The following RAPH1 variants were observed in gnomAD, a reference collection of about 807,000 sequenced individuals.
RAPH1 encodes ras-associated and pleckstrin homology domains-containing protein 1.
Under a neutral mutation model 88.1 loss-of-function variants are expected in RAPH1, and 18 were observed. The observed-to-expected ratio is 0.20, with a 90% CI of 0.14 to 0.30. RAPH1 has a LOEUF of 0.30. RAPH1 is among the 10% of genes least tolerant of loss of function. RAPH1 has a pLI of 1.00. For synonymous variants in RAPH1, 587 were observed against 559.0 expected (o/e 1.05, Z -0.71); for missense variants, 1,448 against 1,543.2 (o/e 0.94, Z 1.03).
At chr2:203,525,186 C>G (rs115275961) in intron 1 of RAPH1, among the ~76,000 whole-genome samples, 2,532 of 152,208 alleles carry the variant, frequency 0.017, 74 homozygotes, top group African/African-American at 0.057. Flanking sequence ...ATATTAACAT[C>G]TTCTTTTTTG....
intron 1 of RAPH1, among the ~76,000 whole-genome samples, chr2:203,528,510 G>C (rs917469748): frequency 6.6e-6 from 1 of 152,120 alleles, no homozygotes; most frequent in African/African-American, 2.4e-5. Flanking sequence ...CTAATAGAAA[G>C]TACAGCCGAA....
At chr2:203,504,866 T>C (rs770292527) in intron 1 of RAPH1, among the ~76,000 whole-genome samples, 1 of 152,196 alleles carries the variant, frequency 6.6e-6, no homozygotes, top group Non-Finnish European at 1.5e-5. Context: ...TACAAATCTC[T>C]AGCGCAGGGG....
At chr2:203,495,592 A>C (rs1688476574) in intron 1 of RAPH1, among the ~76,000 whole-genome samples, 2 of 152,200 alleles carry the variant, frequency 1.3e-5, no homozygotes, top group South Asian at 4.1e-4. Flanking sequence ...AACAGTATCA[A>C]ATTATGACCA....
intron 4 of RAPH1, among the ~76,000 whole-genome samples, chr2:203,464,986 C>T (rs927321815): frequency 6.6e-6 from 1 of 152,180 alleles, no homozygotes; most frequent in African/African-American, 2.4e-5. Context: ...ACACTAACAC[C>T]ACCAAATGCT....
Position 203,439,248 on chromosome 2 carries a change from T to G in RAPH1, c.*189A>C. ...CTATATACACATACACATACATATA[T>G]GTATACATATATACACACACTGTAC... On this transcript the variant is annotated 3_prime_UTR_variant, in exon 14 of 14. Transcript: ENST00000319170. The G allele has an allele frequency of 3.5e-6, 2 of 577,810 alleles. No individual in the cohort carries two copies. Among genetic ancestry groups the G allele is most frequent in the Non-Finnish European group, 6.2e-6 (2 of 324,492 alleles). 35.8% of individuals were successfully genotyped at this position (577,810 alleles called of 1,614,324 possible).
At chr2:203,518,239 G>C (rs1033309398) in intron 1 of RAPH1, among the ~76,000 whole-genome samples, 1 of 152,038 alleles carries the variant, frequency 6.6e-6, no homozygotes, top group Non-Finnish European at 1.5e-5. Flanking sequence ...TATAAGGCTG[G>C]GCACAGTGGT....
chr2:203,525,106 T>C (rs1690054691), intron 1 of RAPH1, among the ~76,000 whole-genome samples: 1 of 152,252 alleles, frequency 6.6e-6, no homozygotes, highest in Admixed American at 6.5e-5. Flanking sequence ...ATAACCATTT[T>C]CTTCAGAATA....
At chr2:203,517,201 C>G (rs1362791664) in intron 1 of RAPH1, among the ~76,000 whole-genome samples, 2 of 150,992 alleles carry the variant, frequency 1.3e-5, no homozygotes, top group Non-Finnish European at 3.0e-5. Flanking sequence ...CAAAAGAAAG[C>G]AGGAGGAGCT....
chr2:203,439,615 T>G lies in RAPH1; in HGVS notation c.3575A>C (p.Glu1192Ala). Residue 1192 changes from glutamate to alanine, a missense_variant, in exon 14 of 14, where the codon GAA becomes GCA. Physicochemically the swap from Glu to Ala is moderately radical, Grantham distance 107. Around this residue, in one of 2 missense-constraint regions of RAPH1, gnomAD observed 935 missense variants for 890.1 expected, o/e 1.05. Coordinates refer to ENST00000319170, the MANE Select transcript of RAPH1 (RefSeq NM_213589.3). Reference sequence around the variant, plus strand: ...CATATCATCCATGGTGGCTGTTGGTTCTGCTCTGGACATGCGGGAGGAGAG... The same window carrying G: ...CATATCATCCATGGTGGCTGTTGGTGCTGCTCTGGACATGCGGGAGGAGAG... ...GSLSSRMSRA[E>A]PTATMDDMAL... 1 of 1,614,110 alleles carries G rather than the reference T, an allele frequency of 6.2e-7. No individual in the cohort carries two copies. Among genetic ancestry groups the G allele is most frequent in the Non-Finnish European group, 8.5e-7 (1 of 1,180,034 alleles).
intron 1 of RAPH1, among the ~76,000 whole-genome samples, chr2:203,526,207 C>T (rs1458903736): frequency 6.6e-6 from 1 of 152,018 alleles, no homozygotes; most frequent in Non-Finnish European, 1.5e-5. Flanking sequence ...ATTAAAGTCT[C>T]AATTTGCTAA....
chr2:203,525,477 C>G (rs1690073231), intron 1 of RAPH1, among the ~76,000 whole-genome samples: 1 of 152,088 alleles, frequency 6.6e-6, no homozygotes, highest in Non-Finnish European at 1.5e-5. Context: ...GCCACCATGC[C>G]TGGCCATATT....
chr2:203,472,533 A>G (rs1212815914), intron 4 of RAPH1, among the ~76,000 whole-genome samples: 2 of 152,248 alleles, frequency 1.3e-5, no homozygotes, highest in African/African-American at 2.4e-5. Flanking sequence ...CTATTCAAAT[A>G]TAATGGGTAA....
intron 4 of RAPH1, among the ~76,000 whole-genome samples, chr2:203,483,955 G>A (rs1222456357): frequency 6.6e-6 from 1 of 151,966 alleles, no homozygotes; most frequent in Non-Finnish European, 1.5e-5. Flanking sequence ...TTTTTGACTT[G>A]GACTAAGTCA....
chr2:203,441,459 A>C, intron 13 of RAPH1, 46 bp from the exon 14 acceptor site: 1 of 1,490,910 alleles, frequency 6.7e-7, no homozygotes, highest in Non-Finnish European at 8.9e-7. Context: ...AAACACAACA[A>C]ACAAAACAGT....
At chr2:203,469,822 A>G (rs896325036) in intron 4 of RAPH1, among the ~76,000 whole-genome samples, 3 of 152,234 alleles carry the variant, frequency 2.0e-5, no homozygotes, top group Admixed American at 6.5e-5. Context: ...TTATATGAGT[A>G]AATGTTTTAA....
Position 203,440,240 on chromosome 2 carries a change from T to C in RAPH1, c.2950A>G (p.Ser984Gly). ...TPQRNSSIKS[S>G]SGAEHPEPKR... ...GGCTCGGGGTGCTCTGCACCACTGC[T>C]GGATTTAATGCTGGAGTTGCGCTGT... is the stretch of plus-strand genomic sequence containing the variant. The change falls in exon 14 of 14, where the codon AGC becomes GGC. Residue 984 changes from serine to glycine, a missense_variant. Ser to Gly is a moderately conservative substitution (Grantham distance 56). Transcript: ENST00000319170. 6.2e-7 allele frequency: 1 copy of C among 1,614,050 alleles called. No individual in the cohort carries two copies. Among genetic ancestry groups the C allele is most frequent in the South Asian group, 1.1e-5 (1 of 91,070 alleles).
chr2:203,497,658 C>G (rs1295944667), intron 1 of RAPH1, among the ~76,000 whole-genome samples: 2 of 152,096 alleles, frequency 1.3e-5, no homozygotes. Flanking sequence ...CTAATAGAAA[C>G]TGATAATTTC....
At chr2:203,487,546 A>G (rs1042293422) in intron 4 of RAPH1, among the ~76,000 whole-genome samples, 14 of 151,828 alleles carry the variant, frequency 9.2e-5, no homozygotes, top group Admixed American at 3.3e-4. Flanking sequence ...ACATCCAACT[A>G]ATTTTTTTTT....
In RAPH1 at chr2:203,464,750, TG is replaced by T. The variant is rs1395985237; in HGVS notation, c.733-2826del. 1.2e-4 allele frequency among the ~76,000 whole-genome samples: 18 copies of T among 151,596 alleles called. No homozygotes were observed. The South Asian group carries it at 3.7e-3, about 31-fold the overall frequency. The stretch of plus-strand genomic sequence containing the variant: ...AAAAAATATTTGCAAAAGACGTATC[TG>T]ATAAAGAACTGTTATAAAAAAAAAG... On this transcript the variant is annotated intron_variant, in intron 4 of 13. Coordinates refer to ENST00000319170, the MANE Select transcript of RAPH1 (RefSeq NM_213589.3).
Sources: allele counts gnomAD v4.1 joint callset (sites outside exome capture counted in the v4.1 genomes callset), GRCh38; gene constraint gnomAD v4.1.1; regional missense constraint gnomAD v4.1.1; transcripts MANE v1.5; gene names NCBI Gene and HGNC (gene_info 2026-07-23, HGNC 2026-07-21).